SLC2A9: variants seen among roughly 807,000 people sequenced by gnomAD.
SLC2A9 encodes solute carrier family 2, facilitated glucose transporter member 9.
SLC2A9 carries 39 observed loss-of-function variants against 50.6 expected under a neutral mutation model. The ratio of observed to expected loss-of-function variants is 0.77; its 90% CI spans 0.60 to 1.01. The LOEUF (loss-of-function observed/expected upper bound fraction) is 1.01. SLC2A9 is among the 50% of genes least tolerant of loss of function. The pLI is 0.00. For missense variants in SLC2A9, 686 were observed against 677.6 expected, an observed-to-expected ratio of 1.01 and a Z score of -0.14; for synonymous variants, 324 against 276.9, an observed-to-expected ratio of 1.17 and a Z score of -1.69.
intron 1 of SLC2A9, chr4:10,034,847 A>T (rs1446138560): frequency 2.6e-5 from 4 of 152,272 alleles, no homozygotes; most frequent in Admixed American, 6.5e-5. Flanking sequence ...AAGCAGGATG[A>T]CACGTGAGCC....
chr4:9,789,254 G>T (rs1310893005), intron 3 of SLC2A9, among the ~76,000 whole-genome samples: 1 of 152,160 alleles, frequency 6.6e-6, no homozygotes, highest in Non-Finnish European at 1.5e-5. Flanking sequence ...ATATTAAAAA[G>T]GGAATAATTA....
intron 2 of SLC2A9, among the ~76,000 whole-genome samples, chr4:10,015,266 C>A (rs867865690): frequency 2.6e-5 from 4 of 152,208 alleles, no homozygotes; most frequent in Admixed American, 6.5e-5. Context: ...CAAACTCCCC[C>A]CATGGCTGGA....
At chr4:9,859,702 T>A (rs1577570039) in intron 10 of SLC2A9, among the ~76,000 whole-genome samples, 1 of 152,236 alleles carries the variant, frequency 6.6e-6, no homozygotes, top group Non-Finnish European at 1.5e-5. Context: ...TTTCTTCCAG[T>A]GAAAAGTGAG....
At chr4:9,920,632 G>A in intron 6 of SLC2A9, 60 bp from the exon 7 acceptor site, 2 of 1,600,520 alleles carry the variant, frequency 1.2e-6, no homozygotes, top group Non-Finnish European at 1.7e-6. Flanking sequence ...CATGTCTAAT[G>A]CTGGGCCCTG....
At position 9,920,701 on chromosome 4, in the gene SLC2A9, G is replaced by A. The variant is rs1429912374; in HGVS notation, c.815-129C>T. On this transcript the variant is annotated intron_variant, in intron 6 of 11. Transcript: ENST00000264784. ...TAGCTGGGGGCGGAACTTGGCAGGG[G>A]CCTTTGAAACTATGGAGTCCAAAGC... The A allele has an allele frequency of 2.2e-5, 24 of 1,069,728 alleles. 1 individual carries two copies. The East Asian group carries it at 2.8e-4, about 12-fold the overall frequency. The allele number at this position is 1,069,728 out of a possible 1,614,324, so 66.3% of individuals were successfully genotyped here.
chr4:9,874,637 G>A (rs1288632448), intron 10 of SLC2A9, among the ~76,000 whole-genome samples: 2 of 152,244 alleles, frequency 1.3e-5, no homozygotes, highest in Non-Finnish European at 2.9e-5. Context: ...TCCCAGCTGT[G>A]TGCATGACTG....
chr4:9,830,842 A>G (rs564978633), intron 11 of SLC2A9, among the ~76,000 whole-genome samples: 18 of 152,332 alleles, frequency 1.2e-4, no homozygotes, highest in African/African-American at 3.8e-4. Context: ...CCAGAGCCAG[A>G]GTGTGGAGGT....
At chr4:9,880,501 G>C in intron 10 of SLC2A9, 1 of 985,332 alleles carries the variant, frequency 1.0e-6, no homozygotes, top group Non-Finnish European at 1.2e-6. Context: ...GCAAACACTT[G>C]GAACAGAATC....
At chr4:9,822,455 G>T (rs192089636), downstream of SLC2A9, among the ~76,000 whole-genome samples, 258 of 152,026 alleles carry the variant, frequency 1.7e-3, no homozygotes, top group African/African-American at 6.0e-3. Flanking sequence ...CTTTATCATG[G>T]GTAATTCCTC....
At chr4:9,969,375 A>G (rs1215745353) in intron 5 of SLC2A9, among the ~76,000 whole-genome samples, 1 of 152,204 alleles carries the variant, frequency 6.6e-6, no homozygotes, top group Non-Finnish European at 1.5e-5. Flanking sequence ...TCCTATTTTC[A>G]ACTATGGTAG....
intron 6 of SLC2A9, among the ~76,000 whole-genome samples, chr4:9,941,689 T>G (rs1355888690): frequency 6.6e-6 from 1 of 152,202 alleles, no homozygotes; most frequent in Non-Finnish European, 1.5e-5. Flanking sequence ...CTTTTCCAGA[T>G]TCCCTGGGAG....
intron 5 of SLC2A9, among the ~76,000 whole-genome samples, chr4:9,958,119 A>C (rs1751618912): frequency 6.6e-6 from 1 of 152,226 alleles, no homozygotes; most frequent in African/African-American, 2.4e-5. Flanking sequence ...CACTGAAGCA[A>C]TGCCTTCAAA....
upstream of SLC2A9, chr4:10,025,840 G>A: frequency 1.3e-6 from 2 of 1,502,354 alleles, no homozygotes; most frequent in Non-Finnish European, 1.9e-6. Flanking sequence ...CAGGGGAAAG[G>A]GGTACTACCC....
chr4:9,893,751 C>T (rs546229857), intron 8 of SLC2A9, among the ~76,000 whole-genome samples: 8 of 152,100 alleles, frequency 5.3e-5, no homozygotes, highest in African/African-American at 1.9e-4. Flanking sequence ...AGGAGGGACC[C>T]CCGCAAAGGT....
chr4:9,880,612 A>C, intron 10 of SLC2A9: 1 of 971,274 alleles, frequency 1.0e-6, no homozygotes, highest in Non-Finnish European at 1.2e-6. Context: ...GCAGATATGC[A>C]GATGAGTCCA....
intron 10 of SLC2A9, among the ~76,000 whole-genome samples, chr4:9,840,866 C>G (rs1032492990): frequency 6.6e-6 from 1 of 152,104 alleles, no homozygotes. Context: ...AACTTACAAT[C>G]GTGGAGGAAG....
intron 8 of SLC2A9, among the ~76,000 whole-genome samples, chr4:9,890,955 G>A (rs1244229357): frequency 1.3e-5 from 2 of 152,182 alleles, no homozygotes; most frequent in South Asian, 2.1e-4. Context: ...ACTCTCCTCC[G>A]AATCTTCCTT....
chr4:9,882,695 T>G (rs183690934), intron 10 of SLC2A9, among the ~76,000 whole-genome samples: 140 of 129,978 alleles, frequency 1.1e-3, no homozygotes, highest in African/African-American at 3.8e-3. Flanking sequence ...GGCAACAGAG[T>G]GAGACTCTGT....
At chr4:9,799,702 C>CCCA (rs1553813200) in intron 3 of SLC2A9, among the ~76,000 whole-genome samples, 2 of 129,960 alleles carry the variant, frequency 1.5e-5, no homozygotes, top group East Asian at 2.7e-4. Context: ...ACCCCCCCCC[C>CCCA]ACCCAACTTC....
Sources: allele counts gnomAD v4.1 joint callset (sites outside exome capture counted in the v4.1 genomes callset), GRCh38; gene constraint gnomAD v4.1.1; transcripts MANE v1.5; gene names NCBI Gene and HGNC (gene_info 2026-07-23, HGNC 2026-07-21).